Variants in ASF1B observed in about 807,000 individuals in gnomAD.
The protein encoded by ASF1B is anti-silencing function 1B histone chaperone, also known as histone chaperone ASF1B.
Under a neutral mutation model 16.6 loss-of-function variants are expected in ASF1B, and 10 were observed. That is an observed-to-expected ratio of 0.60 (90% CI 0.37 to 1.02). ASF1B has a LOEUF of 1.02. Ranked by LOEUF, ASF1B falls within the 50% of genes least tolerant of loss-of-function variation. The pLI, the probability that ASF1B is intolerant of heterozygous loss-of-function variation, is 0.01. For missense variants in ASF1B, 240 were observed against 266.0 expected (o/e 0.90, Z 0.68); for synonymous variants, 101 against 106.2 (o/e 0.95, Z 0.30).
intron 1 of ASF1B, among the ~76,000 whole-genome samples, chr19:14,129,872 CAAA>C (rs938904225): frequency 2.3e-4 from 35 of 150,230 alleles, no homozygotes; most frequent in African/African-American, 8.3e-4. Context: ...CATGGTGATA[CAAA>C]AAATACAAAA....
intron 1 of ASF1B, among the ~76,000 whole-genome samples, chr19:14,130,579 ATC>A (rs1967386824): frequency 6.6e-6 from 1 of 151,940 alleles, no homozygotes; most frequent in Admixed American, 6.6e-5. Flanking sequence ...TCTAAATATA[ATC>A]TTTCTTTAGA....
intron 1 of ASF1B, among the ~76,000 whole-genome samples, chr19:14,129,678 CAAAAAAAAAAAAAAAA>C (rs549023648): frequency 2.6e-4 from 9 of 34,628 alleles, no homozygotes; most frequent in South Asian, 4.9e-3. Context: ...CAGCCTCCGT[CAAAAAAAAAAAAAAAA>C]AAAAAAAAAA....
At chr19:14,129,708 A>G (rs111483063) in intron 1 of ASF1B, among the ~76,000 whole-genome samples, 2,604 of 137,356 alleles carry the variant, frequency 0.019, 71 homozygotes, top group African/African-American at 0.067. Flanking sequence ...AAAAAAAAAA[A>G]AAGAAGAAAG....
intron 1 of ASF1B, among the ~76,000 whole-genome samples, chr19:14,127,786 G>A (rs1045459009): frequency 9.9e-5 from 15 of 152,106 alleles, no homozygotes; most frequent in South Asian, 6.2e-4. Context: ...ATAGGCGCCC[G>A]CCACCACAGC....
At chr19:14,124,982 T>G (rs1461612614) in intron 2 of ASF1B, among the ~76,000 whole-genome samples, 1 of 152,220 alleles carries the variant, frequency 6.6e-6, no homozygotes, top group Non-Finnish European at 1.5e-5. Flanking sequence ...TTCCTTTTTT[T>G]CTGAGACAGA....
chr19:14,121,343 A>G (rs1967233374), intron 3 of ASF1B, 189 bp downstream of exon 3: 2 of 560,744 alleles, frequency 3.6e-6, no homozygotes, highest in Non-Finnish European at 5.9e-6. Flanking sequence ...GGCTGGCCTA[A>G]TCTTAATTCT....
At chr19:14,129,872 CAA>C (rs938904225) in intron 1 of ASF1B, among the ~76,000 whole-genome samples, 1 of 150,230 alleles carries the variant, frequency 6.7e-6, no homozygotes, top group Non-Finnish European at 1.5e-5. Context: ...CATGGTGATA[CAA>C]AAAATACAAA....
intron 2 of ASF1B, among the ~76,000 whole-genome samples, chr19:14,124,482 G>A (rs1232325418): frequency 6.6e-6 from 1 of 152,174 alleles, no homozygotes; most frequent in East Asian, 1.9e-4. Flanking sequence ...TGCTGCATGA[G>A]AGCCATTTAG....
intron 1 of ASF1B, 104 bp downstream of exon 1, chr19:14,136,244 C>A: frequency 1.3e-6 from 1 of 798,874 alleles, no homozygotes; most frequent in South Asian, 1.8e-5. Context: ...GGAAGGGGGA[C>A]GAGGGGTTTC....
intron 2 of ASF1B, among the ~76,000 whole-genome samples, chr19:14,124,642 C>T (rs1023090867): frequency 6.6e-6 from 1 of 152,212 alleles, no homozygotes; most frequent in African/African-American, 2.4e-5. Context: ...GAGTTACCTA[C>T]CATGCCTGTT....
chr19:14,126,026 T>TG, intron 2 of ASF1B, 96 bp downstream of exon 2: 1 of 1,027,164 alleles, frequency 9.7e-7, no homozygotes, highest in South Asian at 1.6e-5. Context: ...CAGCTGAACT[T>TG]GAACTTTTGA....
intron 1 of ASF1B, among the ~76,000 whole-genome samples, chr19:14,133,469 A>G (rs1415856786): frequency 1.3e-5 from 2 of 152,056 alleles, no homozygotes; most frequent in African/African-American, 4.8e-5. Context: ...GGAGTTCAAG[A>G]CCAGCCTGGC....
chr19:14,127,433 C>T (rs139962808), intron 1 of ASF1B, among the ~76,000 whole-genome samples: 11 of 152,224 alleles, frequency 7.2e-5, no homozygotes, highest in South Asian at 4.1e-4. Flanking sequence ...ACACAGGGAC[C>T]GGTGCCACTC....
At chr19:14,135,243 A>T (rs1246453312) in intron 1 of ASF1B, among the ~76,000 whole-genome samples, 1 of 149,744 alleles carries the variant, frequency 6.7e-6, no homozygotes, top group Non-Finnish European at 1.5e-5. Context: ...AAAAAAAAAG[A>T]AGAGGAAGAA....
chr19:14,121,042 A>G (rs1403415121), intron 3 of ASF1B, among the ~76,000 whole-genome samples: 1 of 150,764 alleles, frequency 6.6e-6, no homozygotes, highest in Non-Finnish European at 1.5e-5. Context: ...GCTGGTCTCA[A>G]ACTCCTGACC....
intron 2 of ASF1B, among the ~76,000 whole-genome samples, chr19:14,123,516 A>G (rs914700446): frequency 6.7e-6 from 1 of 150,360 alleles, no homozygotes; most frequent in Non-Finnish European, 1.5e-5. Context: ...AGTAGCTGAG[A>G]CTACAGGTGC....
At chr19:14,130,523 T>C (rs1957264751) in intron 1 of ASF1B, among the ~76,000 whole-genome samples, 1 of 148,924 alleles carries the variant, frequency 6.7e-6, no homozygotes, top group East Asian at 1.9e-4. Flanking sequence ...AAAAAAAAAA[T>C]CTGGCTGCAG....
chr19:14,134,151 G>A (rs558828537), intron 1 of ASF1B, among the ~76,000 whole-genome samples: 1 of 152,198 alleles, frequency 6.6e-6, no homozygotes, highest in East Asian at 1.9e-4. Context: ...ATTGAAACCT[G>A]ATCTCCTGCC....
intron 1 of ASF1B, among the ~76,000 whole-genome samples, chr19:14,131,608 G>C (rs1027538306): frequency 2.0e-5 from 3 of 150,072 alleles, no homozygotes; most frequent in African/African-American, 7.4e-5. Context: ...TCAGCCTCCC[G>C]AGTAGCTGGG....
Sources: allele counts gnomAD v4.1 joint callset (sites outside exome capture counted in the v4.1 genomes callset), GRCh38; gene constraint gnomAD v4.1.1; transcripts MANE v1.5; gene names NCBI Gene and HGNC (gene_info 2026-07-23, HGNC 2026-07-21).